The following WDR64 variants were observed in gnomAD, a reference collection of about 807,000 sequenced individuals.
WDR64 encodes the protein WD repeat-containing protein 64.
Under a neutral mutation model 139.3 loss-of-function variants are expected in WDR64, and 112 were observed. The ratio of observed to expected loss-of-function variants is 0.80; its 90% CI spans 0.69 to 0.94. The LOEUF (loss-of-function observed/expected upper bound fraction) is 0.94, where lower values mean the gene tolerates loss of function less well. WDR64 is among the 40% of genes least tolerant of loss of function. The probability of loss-of-function intolerance (pLI) is 0.00; values close to 1 mark genes in which losing one functional copy is unlikely to be tolerated. For missense variants in WDR64, 1,206 were observed against 1,293.1 expected, an observed-to-expected ratio of 0.93 and a Z score of 1.03; for synonymous variants, 444 against 437.7, an observed-to-expected ratio of 1.01 and a Z score of -0.18.
At chr1:241,677,794 A>G (rs978473192) in intron 4 of WDR64, among the ~76,000 whole-genome samples, 2 of 152,220 alleles carry the variant, frequency 1.3e-5, no homozygotes, top group African/African-American at 4.8e-5. Context: ...TCTATTAAAT[A>G]TTGATCTATT....
intron 10 of WDR64, among the ~76,000 whole-genome samples, chr1:241,735,281 C>T (rs1444508026): frequency 2.6e-5 from 4 of 152,070 alleles, no homozygotes; most frequent in Admixed American, 2.0e-4. Context: ...ATGAACGCAG[C>T]GCATATTATT....
At chr1:241,693,817 T>TA (rs937138053) in intron 8 of WDR64, among the ~76,000 whole-genome samples, 2 of 152,030 alleles carry the variant, frequency 1.3e-5, no homozygotes, top group Non-Finnish European at 1.5e-5. Context: ...TAAACCTATC[T>TA]AAAAAAAAGA....
chr1:241,797,832 T>C (rs907605651), intron 27 of WDR64, among the ~76,000 whole-genome samples: 7 of 152,198 alleles, frequency 4.6e-5, no homozygotes, highest in African/African-American at 1.7e-4. Flanking sequence ...ATAAAGTATT[T>C]GTATTTTTTT....
At chr1:241,752,482 G>A (rs1288668197) in intron 14 of WDR64, among the ~76,000 whole-genome samples, 1 of 152,182 alleles carries the variant, frequency 6.6e-6, no homozygotes, top group Non-Finnish European at 1.5e-5. Context: ...TGTAAATTCT[G>A]CTGCTCTGTG....
chr1:241,784,953 G>GGAAAAAAAC (rs766802128), intron 23 of WDR64, among the ~76,000 whole-genome samples: 1 of 62,250 alleles, frequency 1.6e-5, no homozygotes, highest in Non-Finnish European at 3.1e-5. Flanking sequence ...GACTCTGTCT[G>GGAAAAAAAC]AAAAAAAAAA....
rs879082256 is a variant in WDR64, at chr1:241,711,714, G to A, written c.975-88G>A. The A allele has an allele frequency of 1.9e-5, 25 of 1,335,742 alleles. No individual in the cohort carries two copies. In the South Asian group the frequency reaches 2.4e-4, roughly 13 times the overall value. 82.7% of individuals were successfully genotyped at this position (1,335,742 alleles called of 1,614,324 possible). A position where few individuals can be genotyped will look rare whatever the true frequency, so the allele number is the denominator to read the frequency against. Reference sequence around the variant, plus strand: ...ATGGATTTACAACCAACTTAGAAATGAGCCTATCAAACATAATCTATTTAT... The same window carrying A: ...ATGGATTTACAACCAACTTAGAAATAAGCCTATCAAACATAATCTATTTAT... On this transcript the variant is annotated intron_variant, in intron 8 of 27. Transcript: ENST00000437684.
At chr1:241,686,853 T>C (rs1558472279) in intron 7 of WDR64, among the ~76,000 whole-genome samples, 1 of 152,242 alleles carries the variant, frequency 6.6e-6, no homozygotes, top group Admixed American at 6.5e-5. Flanking sequence ...CTGCTCCATT[T>C]GGATCATTAG....
intron 14 of WDR64, among the ~76,000 whole-genome samples, chr1:241,751,976 C>T (rs1166173886): frequency 6.6e-6 from 1 of 152,116 alleles, no homozygotes; most frequent in Non-Finnish European, 1.5e-5. Context: ...GATTACTGTT[C>T]TAACATGATA....
At chr1:241,697,865 G>T (rs61825797) in intron 8 of WDR64, among the ~76,000 whole-genome samples, 11,544 of 152,114 alleles carry the variant, frequency 0.076, 611 homozygotes, top group South Asian at 0.14. Context: ...GAAACTATTC[G>T]CCTGGTTTCT....
chr1:241,749,438 G>A, intron 13 of WDR64, 109 bp from the exon 14 acceptor site: 1 of 1,298,112 alleles, frequency 7.7e-7, no homozygotes. Context: ...ATAAATATAG[G>A]ATAAATTGTT....
rs529610166 is a variant in WDR64 at position 241,660,794 on chromosome 1, C to A, written c.276+134C>A. On this transcript the variant is annotated intron_variant, in intron 2 of 27. Transcript: ENST00000437684. Reference sequence around the variant, plus strand: ...CATGTGTCAGTTTCAATACCTACACCCATTAGGACATGGCCACTGCCCACA... The same window carrying A: ...CATGTGTCAGTTTCAATACCTACACACATTAGGACATGGCCACTGCCCACA... 178 of 919,688 alleles carry A rather than the reference C, an allele frequency of 1.9e-4. 1 individual carries two copies. The South Asian group carries it at 3.0e-3, about 15-fold the overall frequency. The allele number at this position is 919,688 out of a possible 1,614,324, so 57.0% of individuals were successfully genotyped here.
chr1:241,749,677 G>A lies in WDR64; in HGVS notation c.1725G>A (p.Gln575=). Residue 575 remains glutamine, a synonymous_variant, in exon 14 of 28, where the codon CAG becomes CAA. Coordinates refer to ENST00000437684, the MANE Select transcript of WDR64 (RefSeq NM_001367482.1). ...TCAAAGCCCAAGAAAAACACCAGCAGCTGGTCCTGGCCTTGGAGCGCAACG... is the reference window on the plus strand; with the variant it reads ...TCAAAGCCCAAGAAAAACACCAGCAACTGGTCCTGGCCTTGGAGCGCAACG... ...IFLKAQEKHQ[Q]LVLALERNGT... 1 of 1,614,090 alleles carries A rather than the reference G, an allele frequency of 6.2e-7. No individual in the cohort carries two copies.
intron 7 of WDR64, 31 bp from the exon 8 acceptor site, chr1:241,687,430 T>C (rs1667049543): frequency 2.5e-6 from 4 of 1,611,214 alleles, no homozygotes; most frequent in Non-Finnish European, 3.4e-6. Context: ...GTGTCTAACA[T>C]AAATCTCCCC....
At chr1:241,706,198 T>G (rs755863028) in intron 8 of WDR64, among the ~76,000 whole-genome samples, 6 of 152,214 alleles carry the variant, frequency 3.9e-5, no homozygotes, top group African/African-American at 9.6e-5. Flanking sequence ...CAGCTGTGCC[T>G]AAGGATCAGG....
chr1:241,792,596 T>C (rs1218811993), intron 25 of WDR64, among the ~76,000 whole-genome samples: 2 of 151,928 alleles, frequency 1.3e-5, no homozygotes, highest in Non-Finnish European at 2.9e-5. Context: ...ATACAGGATA[T>C]GGAAAGAACT....
In WDR64 at chr1:241,772,902, G is replaced by GCC. The variant is rs772396263; in HGVS notation, c.2401_2402insCC (p.Asp801AlafsTer15). The GCC allele has an allele frequency of 9.7e-6, 15 of 1,551,548 alleles. No individual in the cohort carries two copies. The stretch of plus-strand genomic sequence containing the variant: ...ACCTATCCTTGTCACTGCTCATGAG[G>GCC]ATGGACACCTCCGCTTGTGGACTCT... On this transcript the variant is annotated frameshift_variant, in exon 20 of 28. Transcript: ENST00000437684. LOFTEE classifies it high-confidence loss of function.
intron 9 of WDR64, among the ~76,000 whole-genome samples, chr1:241,722,694 G>A (rs998031973): frequency 6.6e-6 from 1 of 152,132 alleles, no homozygotes; most frequent in Non-Finnish European, 1.5e-5. Flanking sequence ...ATTTCCCACA[G>A]GGAGTTAGAG....
Position 241,796,387 on chromosome 1 carries a change from T to C in WDR64, c.3192+17T>C. On this transcript the variant is annotated intron_variant, in intron 27 of 27. Coordinates refer to ENST00000437684, the MANE Select transcript of WDR64 (RefSeq NM_001367482.1). ...CGTGAAAAAGTAAGTTAGTACTAAT[T>C]CCACCGTTAACTCCAATTTCAGTGT... 2.0e-6 allele frequency: 3 copies of C among 1,525,640 alleles called. No individual in the cohort carries two copies. In the South Asian group the frequency reaches 3.4e-5, roughly 18 times the overall value. 94.5% of individuals were successfully genotyped at this position (1,525,640 alleles called of 1,614,324 possible). A position where few individuals can be genotyped will look rare whatever the true frequency, so the allele number is the denominator to read the frequency against.
chr1:241,679,364 G>A (rs545307553), intron 5 of WDR64, 121 bp from the exon 6 acceptor site: 1 of 753,360 alleles, frequency 1.3e-6, no homozygotes, highest in Non-Finnish European at 2.3e-6. Flanking sequence ...GTACTGCAAG[G>A]CTTCTCTGTA....
Sources: allele counts gnomAD v4.1 joint callset (sites outside exome capture counted in the v4.1 genomes callset), GRCh38; gene constraint gnomAD v4.1.1; transcripts MANE v1.5; gene names NCBI Gene and HGNC (gene_info 2026-07-23, HGNC 2026-07-21).